KCNN1: variants seen among roughly 807,000 people sequenced by gnomAD.
KCNN1 encodes potassium calcium-activated channel subfamily N member 1, also known as small conductance calcium-activated potassium channel protein 1.
KCNN1 carries 20 observed loss-of-function variants against 44.7 expected under a neutral mutation model. The observed-to-expected ratio is 0.45, with a 90% CI of 0.32 to 0.65. The LOEUF is 0.65. Ranked by LOEUF, KCNN1 falls within the 30% of genes least tolerant of loss-of-function variation. KCNN1 has a pLI of 0.05. For synonymous variants in KCNN1, 324 were observed against 341.7 expected, an observed-to-expected ratio of 0.95 and a Z score of 0.57; for missense variants, 632 against 785.3, an observed-to-expected ratio of 0.80 and a Z score of 2.33.
rs1258474673 is a variant in KCNN1 at position 17,999,080 on chromosome 19, T to C, written c.*674T>C. 6.6e-6 allele frequency: 1 copy of C among 152,274 alleles called. No homozygotes were observed. Among genetic ancestry groups the C allele is most frequent in the Non-Finnish European group, 1.5e-5 (1 of 68,084 alleles). 9.4% of individuals were successfully genotyped at this position (152,274 alleles called of 1,614,324 possible). ...CATTTGGGTTTTTGTGAGATTTGTA[T>C]TGAGCACCTGCTGTCTACAGAGAAT... On this transcript the variant is annotated 3_prime_UTR_variant, in exon 10 of 10. Transcript: ENST00000684775.
upstream of KCNN1, chr19:17,966,986 G>A: frequency 3.4e-6 from 1 of 296,002 alleles, no homozygotes; most frequent in Non-Finnish European, 5.0e-6. Context: ...GGGCGCCGGG[G>A]AATGTGGGAT....
intron 1 of KCNN1, among the ~76,000 whole-genome samples, chr19:17,969,734 G>C (rs1869847234): frequency 6.6e-6 from 1 of 152,240 alleles, no homozygotes; most frequent in African/African-American, 2.4e-5. Context: ...CCCCCTCTGG[G>C]TTCTGTCTGC....
upstream of KCNN1, among the ~76,000 whole-genome samples, chr19:17,963,690 C>T (rs1032069422): frequency 1.3e-5 from 2 of 151,586 alleles, no homozygotes; most frequent in Non-Finnish European, 2.9e-5. Flanking sequence ...TTAGTTCTTT[C>T]AACTTTTTTG....
At chr19:17,955,112 G>A (rs1056415830) in intron 2 of KCNN1, among the ~76,000 whole-genome samples, 21 of 151,328 alleles carry the variant, frequency 1.4e-4, no homozygotes, top group Middle Eastern at 3.4e-3. Flanking sequence ...GTACAGTGGC[G>A]TGCACCTGTG....
At chr19:17,955,257 TAA>T (rs869247421) in intron 2 of KCNN1, among the ~76,000 whole-genome samples, 34 of 127,562 alleles carry the variant, frequency 2.7e-4, no homozygotes, top group Non-Finnish European at 2.7e-4. Flanking sequence ...TCTCTTTAAT[TAA>T]AAAAAAAAAA....
rs761465142 is a variant in KCNN1, at chr19:17,981,816, C to T, written c.606C>T (p.Pro202=). 1.1e-5 allele frequency: 17 copies of T among 1,613,102 alleles called. No homozygotes were observed. The South Asian group carries it at 1.6e-4, about 16-fold the overall frequency. The change falls in exon 4 of 10, where the codon CCC becomes CCT. Residue 202 remains proline (P), a synonymous_variant. Transcript: ENST00000684775. The part of the protein sequence containing the change: ...ELAVCAIHPV[P]GHYRFTWTAR... ...CAGTGTGCGCCATTCACCCGGTGCCCGGCCACTACCGCTTCACGTGGACGG... is the reference window on the plus strand; with the variant it reads ...CAGTGTGCGCCATTCACCCGGTGCCTGGCCACTACCGCTTCACGTGGACGG...
At chr19:17,992,907 C>A in intron 7 of KCNN1, 147 bp from the exon 8 acceptor site, 1 of 969,852 alleles carries the variant, frequency 1.0e-6, no homozygotes, top group Non-Finnish European at 1.6e-6. Flanking sequence ...CCCAGAGCAA[C>A]GGCAGCCCCT....
In KCNN1 at chr19:17,973,994, C is replaced by T. The variant is rs781163024; in HGVS notation, c.106C>T (p.Pro36Ser). The change falls in exon 2 of 10, where the codon CCC becomes TCC. Residue 36 changes from proline to serine, a missense_variant. This residue lies in a region of KCNN1 where 235 missense variants were observed against 224.0 expected (regional missense o/e 1.05). Transcript: ENST00000684775. ...CCCTGAGGCCGGCCACCCCCCACAACCCCCGCACAGCCCGGGCCTCCAGGT... is the reference window on the plus strand; with the variant it reads ...CCCTGAGGCCGGCCACCCCCCACAATCCCCGCACAGCCCGGGCCTCCAGGT... ...PDPEAGHPPQ[P>S]PHSPGLQVVV... The T allele has an allele frequency of 2.5e-5, 40 of 1,585,090 alleles. No homozygotes were observed. Among genetic ancestry groups the T allele is most frequent in the South Asian group, 5.7e-5 (5 of 88,276 alleles).
chr19:17,976,054 A>C (rs146344559), intron 3 of KCNN1, among the ~76,000 whole-genome samples: 113 of 152,194 alleles, frequency 7.4e-4, no homozygotes, highest in African/African-American at 2.4e-3. Flanking sequence ...CAAAAATCAC[A>C]CCTGTGATCC....
At chr19:17,959,138 C>T (rs762048549) in intron 2 of KCNN1, among the ~76,000 whole-genome samples, 2 of 151,558 alleles carry the variant, frequency 1.3e-5, no homozygotes, top group South Asian at 2.1e-4. Context: ...CTGCCTCCTG[C>T]GTCAGCCTCC....
At position 17,999,915 on chromosome 19, in the gene KCNN1, C is replaced by G. The variant is rs2033127603; in HGVS notation, c.*1509C>G. ...TGCTGGTCAGACCCGGGTTCGAGTC[C>G]TGACTCTGCCACTGCTGGGTGACTC... On this transcript the variant is annotated 3_prime_UTR_variant, in exon 10 of 10. Transcript: ENST00000684775. 1 of 454,698 alleles carries G rather than the reference C, an allele frequency of 2.2e-6. No homozygotes were observed. Among genetic ancestry groups the G allele is most frequent in the Non-Finnish European group, 4.4e-6 (1 of 226,356 alleles). The allele number at this position is 454,698 out of a possible 1,614,324, so 28.2% of individuals were successfully genotyped here.
upstream of KCNN1, among the ~76,000 whole-genome samples, chr19:17,962,707 G>GT (rs545467465): frequency 1.3e-3 from 186 of 145,428 alleles, no homozygotes; most frequent in Middle Eastern, 3.5e-3. Flanking sequence ...TCCAGATCTT[G>GT]TTTTTTTTTT....
chr19:17,991,404 T>G (rs1471209731), intron 7 of KCNN1, among the ~76,000 whole-genome samples: 1 of 152,136 alleles, frequency 6.6e-6, no homozygotes, highest in Non-Finnish European at 1.5e-5. Context: ...CGAGCTGTGA[T>G]TGCGCCACTG....
Position 17,988,499 on chromosome 19 carries a change from A to G in KCNN1, c.1144A>G (p.Met382Val). Residue 382 changes from methionine to valine, a missense_variant, in exon 6 of 10, where the codon ATG becomes GTG. By Grantham distance (21) the Met-to-Val change is conservative. Transcript: ENST00000684775. ...TKAEKHVHNF[M>V]MDTQLTKRVK... ...GGCTGAGAAGCACGTGCACAACTTCATGATGGACACTCAGCTCACCAAGCG... is the reference window on the plus strand; with the variant it reads ...GGCTGAGAAGCACGTGCACAACTTCGTGATGGACACTCAGCTCACCAAGCG... The G allele has an allele frequency of 1.2e-6, 2 of 1,613,860 alleles. No individual in the cohort carries two copies. The highest frequency in any genetic ancestry group is 8.5e-7 in the Non-Finnish European group (1 of 1,179,882).
At chr19:17,992,788 G>A (rs1350815103) in intron 7 of KCNN1, among the ~76,000 whole-genome samples, 3 of 152,176 alleles carry the variant, frequency 2.0e-5, no homozygotes, top group Non-Finnish European at 4.4e-5. Context: ...TCCCCCTCAG[G>A]AGATGGTGTC....
At chr19:17,955,268 A>C (rs115999877) in intron 2 of KCNN1, among the ~76,000 whole-genome samples, 1 of 151,348 alleles carries the variant, frequency 6.6e-6, no homozygotes, top group Non-Finnish European at 1.5e-5. Context: ...AAAAAAAAAA[A>C]AAAGAAAAAA....
At position 17,973,875 on chromosome 19, in the gene KCNN1, G is replaced by A; in HGVS notation, c.-14G>A. 1.3e-6 allele frequency: 2 copies of A among 1,548,806 alleles called. No homozygotes were observed. The highest frequency in any genetic ancestry group is 1.2e-5 in the South Asian group (1 of 84,334). ...GCGGCCTGCAGCGAGCCCAACCCCTGCACCCAGGTAGTCATGAACAGCCAC... is the reference window on the plus strand; with the variant it reads ...GCGGCCTGCAGCGAGCCCAACCCCTACACCCAGGTAGTCATGAACAGCCAC... On this transcript the variant is annotated 5_prime_UTR_variant, in exon 2 of 10. Transcript: ENST00000684775.
chr19:17,952,665 C>A (rs991049552), intron 1 of KCNN1, among the ~76,000 whole-genome samples: 11 of 152,170 alleles, frequency 7.2e-5, no homozygotes, highest in Admixed American at 2.6e-4. Flanking sequence ...GAAAGCACCG[C>A]TGGTTCCCGT....
chr19:17,991,380 G>A (rs1005218405), intron 7 of KCNN1, among the ~76,000 whole-genome samples: 1 of 152,176 alleles, frequency 6.6e-6, no homozygotes, highest in Non-Finnish European at 1.5e-5. Context: ...GAGCCCAGAA[G>A]GTCAAGGTTG....
Sources: gnomAD v4.1 joint callset for allele counts (sites outside exome capture counted in the v4.1 genomes callset) on GRCh38, gnomAD v4.1.1 for gene constraint, gnomAD v4.1.1 regional missense constraint, MANE v1.5 for transcripts, NCBI Gene and HGNC (gene_info 2026-07-23, HGNC 2026-07-21) for gene names.